The following GXYLT1 variants were observed in gnomAD, a reference collection of about 807,000 sequenced individuals.
GXYLT1 encodes the protein glycosyltransferase 8 domain containing 3.
GXYLT1 carries 29 observed loss-of-function variants against 54.0 expected under a neutral mutation model. That is an observed-to-expected ratio of 0.54 (90% CI 0.40 to 0.73). The LOEUF (loss-of-function observed/expected upper bound fraction) is 0.73, where lower values mean the gene tolerates loss of function less well. GXYLT1 is among the 30% of genes least tolerant of loss of function. GXYLT1 has a pLI of 0.00. For missense variants in GXYLT1, 490 were observed against 553.4 expected (o/e 0.89, Z 1.15); for synonymous variants, 176 against 204.1 (o/e 0.86, Z 1.17).
intron 1 of GXYLT1, among the ~76,000 whole-genome samples, chr12:42,138,279 T>G (rs888894939): frequency 6.6e-6 from 1 of 152,114 alleles, no homozygotes; most frequent in Non-Finnish European, 1.5e-5. Context: ...AGAGACTGCG[T>G]CTCAAATAAA....
intron 6 of GXYLT1, 60 bp downstream of exon 6, chr12:42,097,850 T>C: frequency 1.5e-6 from 2 of 1,315,448 alleles, no homozygotes; most frequent in Non-Finnish European, 2.1e-6. Flanking sequence ...ATGTTTTCCT[T>C]TTTCACTAAG....
chr12:42,140,828 G>T (rs1234794923), intron 1 of GXYLT1, among the ~76,000 whole-genome samples: 1 of 152,176 alleles, frequency 6.6e-6, no homozygotes, highest in Non-Finnish European at 1.5e-5. Context: ...TACCAATACT[G>T]CTGTATAGCC....
At chr12:42,123,038 A>T (rs924807826) in intron 2 of GXYLT1, among the ~76,000 whole-genome samples, 1 of 152,172 alleles carries the variant, frequency 6.6e-6, no homozygotes, top group Non-Finnish European at 1.5e-5. Context: ...TGCAAAACAA[A>T]AACAAAAATA....
chr12:42,120,108 A>G (rs1176243189), intron 2 of GXYLT1, among the ~76,000 whole-genome samples: 1 of 152,186 alleles, frequency 6.6e-6, no homozygotes, highest in Non-Finnish European at 1.5e-5. Context: ...AAGGTCTTTC[A>G]TTCAATTTTT....
intron 7 of GXYLT1, among the ~76,000 whole-genome samples, chr12:42,095,843 A>G (rs1325971302): frequency 6.6e-6 from 1 of 152,192 alleles, no homozygotes; most frequent in East Asian, 1.9e-4. Context: ...GATCGGAAAA[A>G]AAGAACTAAC....
At position 42,109,579 on chromosome 12, in the gene GXYLT1, C is replaced by T; in HGVS notation, c.599G>A (p.Arg200Lys). The change falls in exon 4 of 8, where the codon AGA (arginine) becomes AAA (lysine). Residue 200 changes from arginine to lysine, a missense_variant. Arg to Lys is a conservative substitution (Grantham distance 26). Around this residue, in one of 2 missense-constraint regions of GXYLT1, gnomAD observed 342 missense variants for 342.6 expected, o/e 1.00. Coordinates refer to ENST00000398675, the MANE Select transcript of GXYLT1 (RefSeq NM_173601.2). ...GAAAAAACTTACCGGCAAGAACAAT[C>T]TCTGCGAAGCACATGGTTTAAAGAG... ...KKLFKPCASQ[R>K]LFLPLILKEV... 6.7e-7 allele frequency: 1 copy of T among 1,488,670 alleles called. No individual in the cohort carries two copies. The highest frequency in any genetic ancestry group is 9.0e-7 in the Non-Finnish European group (1 of 1,116,836). The allele number at this position is 1,488,670 out of a possible 1,614,324, so 92.2% of individuals were successfully genotyped here. A position where few individuals can be genotyped will look rare whatever the true frequency, so the allele number is the denominator to read the frequency against.
chr12:42,106,723 G>A lies in GXYLT1; in HGVS notation c.613-654C>T, dbSNP rs2065423211. Among the ~76,000 whole-genome samples, 4 of 150,924 alleles carry A rather than the reference G, an allele frequency of 2.7e-5. No individual in the cohort carries two copies. The South Asian group carries it at 8.4e-4, about 32-fold the overall frequency. On this transcript the variant is annotated intron_variant, in intron 4 of 7. Transcript: ENST00000398675. ...ATGTGCCTTCCCTGGGGAATTTTAA[G>A]GATAATTATTATTATTTTTCTTTTT...
At chr12:42,097,713 TA>T in intron 6 of GXYLT1, 99 bp from the exon 7 acceptor site, 1 of 1,176,156 alleles carries the variant, frequency 8.5e-7, no homozygotes, top group South Asian at 1.4e-5. Flanking sequence ...CTCTTACAAG[TA>T]AGAATTAATG....
At chr12:42,104,537 A>T (rs780255780) in intron 5 of GXYLT1, among the ~76,000 whole-genome samples, 1 of 140,262 alleles carries the variant, frequency 7.1e-6, no homozygotes, top group Non-Finnish European at 1.5e-5. Flanking sequence ...AATTTTAAAA[A>T]GATTCAGAAA....
intron 3 of GXYLT1, among the ~76,000 whole-genome samples, chr12:42,117,610 A>G (rs2065504667): frequency 6.6e-6 from 1 of 152,210 alleles, no homozygotes; most frequent in Non-Finnish European, 1.5e-5. Flanking sequence ...TTAAGTGGAT[A>G]GATGTAAACA....
chr12:42,141,976 T>C (rs181400261), intron 1 of GXYLT1, among the ~76,000 whole-genome samples: 2 of 152,232 alleles, frequency 1.3e-5, no homozygotes, highest in Admixed American at 1.3e-4. Context: ...ATAGTTTTTA[T>C]AAGATCTGAC....
At chr12:42,113,739 G>A (rs910116635) in intron 3 of GXYLT1, among the ~76,000 whole-genome samples, 13 of 150,842 alleles carry the variant, frequency 8.6e-5, no homozygotes, top group Non-Finnish European at 1.8e-4. Flanking sequence ...AAGTTAACAA[G>A]GATACCCAGG....
chr12:42,084,127 C>T lies in GXYLT1; in HGVS notation c.*3659G>A, dbSNP rs1438466755. The T allele has an allele frequency of 2.9e-5, 4 of 139,324 alleles. No homozygotes were observed. Among genetic ancestry groups the T allele is most frequent in the African/African-American group, 1.1e-4 (4 of 37,414 alleles). The allele number at this position is 139,324 out of a possible 1,614,324, so 8.6% of individuals were successfully genotyped here. A position where few individuals can be genotyped will look rare whatever the true frequency, so the allele number is the denominator to read the frequency against. ...AGCACCTTTCCTGACCCCAGAGAGC[C>T]CAGGCAAGCAAACTGATGTAGTGTG... On this transcript the variant is annotated 3_prime_UTR_variant, in exon 8 of 8. Coordinates refer to ENST00000398675, the MANE Select transcript of GXYLT1 (RefSeq NM_173601.2).
chr12:42,142,337 A>ATTTT (rs201702582), intron 1 of GXYLT1, among the ~76,000 whole-genome samples: 2 of 140,216 alleles, frequency 1.4e-5, no homozygotes, highest in African/African-American at 5.3e-5. Context: ...AAAAAAGTTA[A>ATTTT]TTTTTTTTTT....
In GXYLT1 at chr12:42,129,866, C is replaced by G; in HGVS notation, c.222-15G>C. On this transcript the variant is annotated splice_polypyrimidine_tract_variant and intron_variant, in intron 1 of 7. Coordinates refer to ENST00000398675, the MANE Select transcript of GXYLT1 (RefSeq NM_173601.2). ...AATCTTTACACCTAACAGAGTAAGA[C>G]AGAAATAAGAGTCCTGTGTGAGTAT... 6.5e-7 allele frequency: 1 copy of G among 1,547,876 alleles called. No individual in the cohort carries two copies. Among genetic ancestry groups the G allele is most frequent in the East Asian group, 2.3e-5 (1 of 44,438 alleles).
chr12:42,087,689 G>C lies in GXYLT1; in HGVS notation c.*97C>G, dbSNP rs539056214. On this transcript the variant is annotated 3_prime_UTR_variant, in exon 8 of 8. Transcript: ENST00000398675. Reference sequence around the variant, plus strand: ...GGAAAAAAAAAATTATTCTGGAGATGAGTAATTCCTTCCTGAATACTTCAT... The same window carrying C: ...GGAAAAAAAAAATTATTCTGGAGATCAGTAATTCCTTCCTGAATACTTCAT... 1,512 of 821,966 alleles carry C rather than the reference G, an allele frequency of 1.8e-3. 3 individuals are homozygous for C. Among genetic ancestry groups the C allele is most frequent in the Non-Finnish European group, 2.5e-3 (1,362 of 542,300 alleles). The allele number at this position is 821,966 out of a possible 1,614,324, so 50.9% of individuals were successfully genotyped here. A position where few individuals can be genotyped will look rare whatever the true frequency, so the allele number is the denominator to read the frequency against.
In GXYLT1 at chr12:42,118,710, G is replaced by C. The variant is rs539310519; in HGVS notation, c.486+290C>G. ...CTTACTGTTCTTGTGATAACCATCA[G>C]TTCTCATGAGGTCTCATGGTTTAAA... On this transcript the variant is annotated intron_variant, in intron 3 of 7. Transcript: ENST00000398675. Among the ~76,000 whole-genome samples the C allele has an allele frequency of 8.5e-5, 13 of 152,178 alleles. 1 individual carries two copies. The highest frequency in any genetic ancestry group is 1.6e-4 in the Non-Finnish European group (11 of 68,038).
chr12:42,123,675 A>T (rs2065544357), intron 2 of GXYLT1, among the ~76,000 whole-genome samples: 1 of 152,096 alleles, frequency 6.6e-6, no homozygotes, highest in Non-Finnish European at 1.5e-5. Context: ...GTGTTCTTAT[A>T]GCCTATTATT....
chr12:42,118,495 G>A (rs1346780765), intron 3 of GXYLT1, among the ~76,000 whole-genome samples: 1 of 152,206 alleles, frequency 6.6e-6, no homozygotes, highest in African/African-American at 2.4e-5. Flanking sequence ...TCAGATGGAA[G>A]TGGTTCAAGG....
Sources: allele counts gnomAD v4.1 joint callset (sites outside exome capture counted in the v4.1 genomes callset), GRCh38; gene constraint gnomAD v4.1.1; regional missense constraint gnomAD v4.1.1; transcripts MANE v1.5; gene names NCBI Gene and HGNC (gene_info 2026-07-23, HGNC 2026-07-21).